DIXDC1: variants seen among roughly 807,000 people sequenced by gnomAD.
DIXDC1 encodes DIX domain containing 1, also known as dixin.
In DIXDC1, 64 loss-of-function variants were observed where a neutral mutation model predicts 103.1. That is an observed-to-expected ratio of 0.62 (90% CI 0.51 to 0.76). The LOEUF (loss-of-function observed/expected upper bound fraction) is 0.76. Ranked by LOEUF, DIXDC1 falls within the 30% of genes least tolerant of loss-of-function variation. The probability of loss-of-function intolerance (pLI) is 0.00; values close to 1 mark genes in which losing one functional copy is unlikely to be tolerated. For synonymous variants in DIXDC1, 266 were observed against 298.5 expected, an observed-to-expected ratio of 0.89 and a Z score of 1.12; for missense variants, 759 against 834.2, an observed-to-expected ratio of 0.91 and a Z score of 1.11.
chr11:111,993,109 ATT>A, intron 12 of DIXDC1, 105 bp downstream of exon 12: 1 of 1,281,050 alleles, frequency 7.8e-7, no homozygotes, highest in Non-Finnish European at 1.1e-6. Context: ...ATCCTTTTTG[ATT>A]TTTTTTTATC....
At chr11:111,980,151 A>G (rs1592590984) in intron 5 of DIXDC1, among the ~76,000 whole-genome samples, 1 of 152,164 alleles carries the variant, frequency 6.6e-6, no homozygotes, top group East Asian at 1.9e-4. Flanking sequence ...TTACTGATAT[A>G]TAACCGCTCC....
Position 111,974,188 on chromosome 11 carries a change from C to T in DIXDC1, c.482C>T (p.Ala161Val). ...CATAVAQGAA[A>V]ALADVCHDMS... Reference sequence around the variant, plus strand: ...ACTGCTGTTGCCCAGGGAGCAGCTGCTGCTCTGGCCGATGTGTGTCATGAC... The same window carrying T: ...ACTGCTGTTGCCCAGGGAGCAGCTGTTGCTCTGGCCGATGTGTGTCATGAC... Residue 161 changes from alanine to valine, a missense_variant, in exon 4 of 20, where the codon GCT (alanine) becomes GTT (valine). Physicochemically the swap from Ala to Val is moderately conservative, Grantham distance 64 (BLOSUM62 0). Around this residue, in one of 3 missense-constraint regions of DIXDC1, gnomAD observed 657 missense variants for 727.5 expected, o/e 0.90. Transcript: ENST00000440460. The T allele has an allele frequency of 6.2e-7, 1 of 1,613,992 alleles. No homozygotes were observed. The highest frequency in any genetic ancestry group is 2.2e-5 in the East Asian group (1 of 44,882).
upstream of DIXDC1, among the ~76,000 whole-genome samples, chr11:111,936,745 G>A (rs1311531561): frequency 6.6e-6 from 1 of 152,046 alleles, no homozygotes; most frequent in Non-Finnish European, 1.5e-5. Flanking sequence ...GGGCCCATGT[G>A]GAAAAAGGTT....
Position 111,977,164 on chromosome 11 carries a change from ACCCCGCCCAG to A in DIXDC1, c.656+2190_656+2199del. 1 of 504,166 alleles carries A rather than the reference ACCCCGCCCAG, an allele frequency of 2.0e-6. No individual in the cohort carries two copies. Among genetic ancestry groups the A allele is most frequent in the Non-Finnish European group, 2.5e-6 (1 of 397,190 alleles). 31.2% of individuals were successfully genotyped at this position (504,166 alleles called of 1,614,324 possible). Reference sequence around the variant, plus strand: ...CGTCGACGTCCCCACCCCCACCTCCACCCCGCCCAGCCCCGCCCCTGGCCCGCACCCTCAA... The same window carrying A: ...CGTCGACGTCCCCACCCCCACCTCCACCCCGCCCCTGGCCCGCACCCTCAA... On this transcript the variant is annotated intron_variant, in intron 5 of 19. Coordinates refer to ENST00000440460, the MANE Select transcript of DIXDC1 (RefSeq NM_001037954.4). This position sits in a 1 kb window ranked among gnomAD's most constrained non-coding sequence, Gnocchi z 6.1.
chr11:111,993,003 A>C lies in DIXDC1; in HGVS notation c.1271A>C (p.Lys424Thr), dbSNP rs1417495290. The part of the protein sequence containing the change: ...DERNRLLGEY[K>T]KELGQKDRLL... ...AGGAACCGGCTCTTGGGAGAATATAAAGTAAGAATGAATATCAGTTTGGAA... is the reference window on the plus strand; with the variant it reads ...AGGAACCGGCTCTTGGGAGAATATACAGTAAGAATGAATATCAGTTTGGAA... The change falls in exon 12 of 20, where the codon AAA (lysine) becomes ACA (threonine). Residue 424 changes from lysine (K) to threonine (T), a missense_variant and splice_region_variant. Coordinates refer to ENST00000440460, the MANE Select transcript of DIXDC1 (RefSeq NM_001037954.4). 1 of 1,601,670 alleles carries C rather than the reference A, an allele frequency of 6.2e-7. No homozygotes were observed. Among genetic ancestry groups the C allele is most frequent in the Non-Finnish European group, 8.5e-7 (1 of 1,174,138 alleles).
chr11:111,948,438 C>T (rs1966671346), intron 1 of DIXDC1, among the ~76,000 whole-genome samples: 1 of 152,196 alleles, frequency 6.6e-6, no homozygotes, highest in East Asian at 1.9e-4. Context: ...ACCACGCTTA[C>T]TTCCTTTGCC....
chr11:111,933,194 T>C (rs2040741717), upstream of DIXDC1, among the ~76,000 whole-genome samples: 1 of 151,912 alleles, frequency 6.6e-6, no homozygotes, highest in South Asian at 2.1e-4. Flanking sequence ...GATGGTGTGA[T>C]CTCGGCTCAC....
intron 17 of DIXDC1, among the ~76,000 whole-genome samples, chr11:112,013,576 T>G (rs978934068): frequency 1.3e-5 from 2 of 152,166 alleles, no homozygotes; most frequent in South Asian, 2.1e-4. Context: ...GGTATTACCA[T>G]GTATCTGTCT....
Position 111,961,110 on chromosome 11 carries a change from G to T in DIXDC1, c.61-3439G>T, listed in dbSNP as rs1859563053. On this transcript the variant is annotated intron_variant, in intron 1 of 19. Coordinates refer to ENST00000440460, the MANE Select transcript of DIXDC1 (RefSeq NM_001037954.4). ...GATATAGGCTCTGATTCAGTAGGCT[G>T]GGGAGGAGCCCAGGAGTTTGCAGGA... Among the ~76,000 whole-genome samples the T allele has an allele frequency of 1.3e-5, 2 of 152,342 alleles. 1 individual carries two copies. Among genetic ancestry groups the T allele is most frequent in the South Asian group, 4.1e-4 (2 of 4,824 alleles).
intron 17 of DIXDC1, among the ~76,000 whole-genome samples, chr11:112,001,903 CCCA>C (rs376734473): frequency 6.6e-6 from 1 of 151,884 alleles, no homozygotes; most frequent in Non-Finnish European, 1.5e-5. Context: ...ATTATACATG[CCCA>C]CCACCACACC....
At chr11:111,953,940 C>T (rs1555170321) in intron 1 of DIXDC1, among the ~76,000 whole-genome samples, 3 of 151,976 alleles carry the variant, frequency 2.0e-5, no homozygotes, top group African/African-American at 4.8e-5. Context: ...CGCGTCTGTA[C>T]TGAGTAGCTA....
intron 17 of DIXDC1, among the ~76,000 whole-genome samples, chr11:111,999,376 A>G (rs375948028): frequency 6.6e-6 from 1 of 152,236 alleles, no homozygotes; most frequent in African/African-American, 2.4e-5. Context: ...GCTTGGGACA[A>G]CTGGATATTT....
chr11:111,946,903 T>G (rs1555169440), intron 1 of DIXDC1: 2 of 256,190 alleles, frequency 7.8e-6, no homozygotes, highest in East Asian at 1.6e-4. Context: ...TCTGAGTGCC[T>G]ATGGACACTG....
At chr11:111,984,030 TTA>T (rs1389860187) in intron 7 of DIXDC1, among the ~76,000 whole-genome samples, 2 of 152,220 alleles carry the variant, frequency 1.3e-5, no homozygotes, top group Non-Finnish European at 2.9e-5. Flanking sequence ...CCCTGGCTTC[TTA>T]TATATGTCTG....
intron 1 of DIXDC1, among the ~76,000 whole-genome samples, chr11:111,943,492 T>C (rs1288074100): frequency 6.3e-5 from 9 of 142,794 alleles, no homozygotes; most frequent in African/African-American, 2.5e-4. Context: ...TCTCTCTTTT[T>C]TTTTTTTTTT....
At position 111,954,281 on chromosome 11, in the gene DIXDC1, C is replaced by T. The variant is rs587659823; in HGVS notation, c.61-10268C>T. ...TCATAAGGAGGGTGCAACCTAGATT[C>T]CTCACATGCACAGTTCACAATAGGG... is the stretch of plus-strand genomic sequence containing the variant. On this transcript the variant is annotated intron_variant, in intron 1 of 19. Transcript: ENST00000440460. Among the ~76,000 whole-genome samples, 5 of 152,156 alleles carry T rather than the reference C, an allele frequency of 3.3e-5. No individual in the cohort carries two copies. In the South Asian group the frequency reaches 1.0e-3, roughly 32 times the overall value.
At chr11:111,968,189 T>C (rs1592575984) in intron 2 of DIXDC1, among the ~76,000 whole-genome samples, 1 of 152,352 alleles carries the variant, frequency 6.6e-6, no homozygotes, top group African/African-American at 2.4e-5. Flanking sequence ...GGAGGGACTT[T>C]ATTGTTCTTT....
intron 17 of DIXDC1, among the ~76,000 whole-genome samples, chr11:112,006,820 C>T (rs1555176658): frequency 6.6e-6 from 1 of 152,134 alleles, no homozygotes. Flanking sequence ...ACATCAAAGA[C>T]CAAAGGTAGA....
rs58502735 is a variant in DIXDC1 at position 111,998,982 on chromosome 11, C to T, written c.1756+2836C>T. 0.014 allele frequency among the ~76,000 whole-genome samples: 2,142 copies of T among 152,318 alleles called. 52 individuals are homozygous for T. Among genetic ancestry groups the T allele is most frequent in the African/African-American group, 0.049 (2,030 of 41,574 alleles). ...CAGATCTAGGGTACAATTTGGGCTG[C>T]ACCATTCAGCACAGTGTGTGACCAT... On this transcript the variant is annotated intron_variant, in intron 17 of 19. Transcript: ENST00000440460. The surrounding 1 kb of genome is among the most constrained non-coding windows in gnomAD (Gnocchi z 4.1).
Sources: gnomAD v4.1 joint callset for allele counts (sites outside exome capture counted in the v4.1 genomes callset) on GRCh38, gnomAD v4.1.1 for gene constraint, gnomAD v4.1.1 regional missense constraint, Gnocchi (gnomAD v3.1) non-coding constraint, MANE v1.5 for transcripts, NCBI Gene and HGNC (gene_info 2026-07-23, HGNC 2026-07-21) for gene names.